WWC1: variants seen among roughly 807,000 people sequenced by gnomAD.
WWC1 encodes the protein WW and C2 domain containing 1, also known as protein KIBRA.
Under a neutral mutation model 138.4 loss-of-function variants are expected in WWC1, and 55 were observed. The observed-to-expected ratio is 0.40, with a 90% CI of 0.32 to 0.50. The LOEUF is 0.50. WWC1 is among the 20% of genes least tolerant of loss of function. The pLI, the probability that WWC1 is intolerant of heterozygous loss-of-function variation, is 0.72. For synonymous variants in WWC1, 524 were observed against 564.9 expected (o/e 0.93, Z 1.03); for missense variants, 1,226 against 1,420.4 (o/e 0.86, Z 2.20).
intron 1 of WWC1, among the ~76,000 whole-genome samples, chr5:168,320,487 A>C (rs1445038045): frequency 6.6e-6 from 1 of 152,180 alleles, no homozygotes. Context: ...AGTCAGTTAC[A>C]AGACCTCTCT....
intron 5 of WWC1, among the ~76,000 whole-genome samples, chr5:168,400,741 G>A (rs1027828922): frequency 3.3e-5 from 5 of 152,104 alleles, no homozygotes; most frequent in African/African-American, 1.2e-4. Flanking sequence ...TTGAGCCTGT[G>A]AGTTGGAGGT....
At chr5:168,460,500 G>A in intron 19 of WWC1, 150 bp from the exon 20 acceptor site, 1 of 666,420 alleles carries the variant, frequency 1.5e-6, no homozygotes, top group East Asian at 2.7e-5. Context: ...CACTTATAAA[G>A]AAAAGAAAGG....
At chr5:168,460,350 CTTG>C (rs1361543508) in intron 19 of WWC1, among the ~76,000 whole-genome samples, 1 of 152,216 alleles carries the variant, frequency 6.6e-6, no homozygotes, top group African/African-American at 2.4e-5. Flanking sequence ...TGTCACCTCA[CTTG>C]TGAAAATGGA....
At chr5:168,373,515 G>T (rs1481909510) in intron 2 of WWC1, among the ~76,000 whole-genome samples, 3 of 151,980 alleles carry the variant, frequency 2.0e-5, no homozygotes, top group African/African-American at 4.8e-5. Flanking sequence ...GAGCACCAAG[G>T]CCCAGGCATT....
At chr5:168,362,470 G>C (rs1260035349) in intron 1 of WWC1, among the ~76,000 whole-genome samples, 1 of 152,242 alleles carries the variant, frequency 6.6e-6, no homozygotes, top group African/African-American at 2.4e-5. Context: ...AGAGGCAGGA[G>C]TGACACATTA....
intron 19 of WWC1, among the ~76,000 whole-genome samples, chr5:168,456,825 T>A (rs1342340382): frequency 1.3e-5 from 2 of 152,048 alleles, no homozygotes; most frequent in African/African-American, 4.8e-5. Flanking sequence ...TTCTTTTTCA[T>A]CAGGATAGAA....
Position 168,336,239 on chromosome 5 carries a change from G to A in WWC1, c.120-35185G>A, listed in dbSNP as rs544485008. ...CAGCCATCTTTGCTTCTGTAATTTT[G>A]GGTCCAGCAGAAGAGCCAAGGCACG... On this transcript the variant is annotated intron_variant, in intron 1 of 22. Coordinates refer to ENST00000265293, the MANE Select transcript of WWC1 (RefSeq NM_015238.3). 7.9e-5 allele frequency among the ~76,000 whole-genome samples: 12 copies of A among 152,200 alleles called. No homozygotes were observed. The South Asian group carries it at 2.5e-3, about 32-fold the overall frequency.
At chr5:168,395,766 G>A (rs974826000) in intron 3 of WWC1, among the ~76,000 whole-genome samples, 11 of 152,072 alleles carry the variant, frequency 7.2e-5, no homozygotes, top group Non-Finnish European at 1.5e-4. Context: ...GGTAAACCTC[G>A]GTCTTCTTTT....
At chr5:168,419,982 G>A (rs1382487933) in intron 9 of WWC1, among the ~76,000 whole-genome samples, 1 of 152,160 alleles carries the variant, frequency 6.6e-6, no homozygotes, top group Non-Finnish European at 1.5e-5. Flanking sequence ...TTCCAGTTCT[G>A]TGACATTCCG....
chr5:168,306,754 A>C (rs1862351), intron 1 of WWC1, among the ~76,000 whole-genome samples: 1 of 151,824 alleles, frequency 6.6e-6, no homozygotes, highest in Non-Finnish European at 1.5e-5. Flanking sequence ...GCACCACCAC[A>C]CCCAGCTAAT....
intron 5 of WWC1, among the ~76,000 whole-genome samples, chr5:168,403,401 C>CTGT (rs1302017980): frequency 3.3e-5 from 5 of 151,992 alleles, no homozygotes; most frequent in African/African-American, 1.2e-4. Flanking sequence ...CCAGCCAGCT[C>CTGT]TGTTGTTTTT....
Position 168,428,805 on chromosome 5 carries a change from G to A in WWC1, c.2000+18G>A. The A allele has an allele frequency of 1.9e-6, 3 of 1,613,016 alleles. No homozygotes were observed. Among genetic ancestry groups the A allele is most frequent in the Non-Finnish European group, 1.7e-6 (2 of 1,179,542 alleles). On this transcript the variant is annotated intron_variant, in intron 13 of 22. Transcript: ENST00000265293. ...GCCCTGAAGTAAGTGACGAGGACGA[G>A]GAGGACAGAAGGAACGGTCTGTGTG...
intron 9 of WWC1, among the ~76,000 whole-genome samples, chr5:168,419,067 G>A (rs553295827): frequency 3.8e-4 from 58 of 152,286 alleles, no homozygotes; most frequent in Middle Eastern, 6.8e-3. Flanking sequence ...ACACTTTTCC[G>A]TTGTGTTTAG....
intron 1 of WWC1, among the ~76,000 whole-genome samples, chr5:168,322,678 GTTATCTCT>G (rs1772211666): frequency 6.6e-6 from 1 of 152,194 alleles, no homozygotes; most frequent in African/African-American, 2.4e-5. Context: ...CAAGATAGAT[GTTATCTCT>G]TTGTTACATA....
chr5:168,313,712 T>C (rs914838520), intron 1 of WWC1, among the ~76,000 whole-genome samples: 4 of 152,252 alleles, frequency 2.6e-5, no homozygotes, highest in African/African-American at 9.6e-5. Flanking sequence ...CACTGACTAT[T>C]CAATACTACT....
At chr5:168,408,114 C>A (rs1467136677) in intron 6 of WWC1, among the ~76,000 whole-genome samples, 1 of 151,466 alleles carries the variant, frequency 6.6e-6, no homozygotes, top group Non-Finnish European at 1.5e-5. Flanking sequence ...GTGATCCTCC[C>A]AGCTCGGCCT....
intron 17 of WWC1, 143 bp downstream of exon 17, chr5:168,444,728 C>A: frequency 1.2e-6 from 1 of 803,980 alleles, no homozygotes; most frequent in Non-Finnish European, 1.9e-6. Flanking sequence ...TCTCTACAGG[C>A]AAAAAGGCAA....
At chr5:168,305,390 A>G (rs1452584793) in intron 1 of WWC1, among the ~76,000 whole-genome samples, 2 of 152,120 alleles carry the variant, frequency 1.3e-5, no homozygotes, top group Non-Finnish European at 2.9e-5. Context: ...CAGCTTACAA[A>G]TGAAGTTTAG....
intron 13 of WWC1, 72 bp from the exon 14 acceptor site, chr5:168,430,065 T>C (rs1781822719): frequency 1.6e-6 from 2 of 1,282,628 alleles, no homozygotes; most frequent in Non-Finnish European, 2.2e-6. Context: ...CCTGTGACTT[T>C]TAATGGAGAG....
Sources: gnomAD v4.1 joint callset for allele counts (sites outside exome capture counted in the v4.1 genomes callset) on GRCh38, gnomAD v4.1.1 for gene constraint, MANE v1.5 for transcripts, NCBI Gene and HGNC (gene_info 2026-07-23, HGNC 2026-07-21) for gene names.